CCDC85A: variants seen among roughly 807,000 people sequenced by gnomAD.
CCDC85A encodes the protein coiled-coil domain containing 85A, also known as coiled-coil domain-containing protein 85A.
In CCDC85A, 38 loss-of-function variants were observed where a neutral mutation model predicts 50.2. That is an observed-to-expected ratio of 0.76 (90% CI 0.58 to 0.99). CCDC85A has a LOEUF of 0.99. Ranked by LOEUF, CCDC85A falls within the 50% of genes least tolerant of loss-of-function variation. The probability of loss-of-function intolerance (pLI) is 0.00; values close to 1 mark genes in which losing one functional copy is unlikely to be tolerated. For synonymous variants in CCDC85A, 366 were observed against 301.4 expected, an observed-to-expected ratio of 1.21 and a Z score of -2.22; for missense variants, 820 against 742.0, an observed-to-expected ratio of 1.11 and a Z score of -1.22.
At chr2:56,332,514 G>A (rs546593124) in intron 2 of CCDC85A, among the ~76,000 whole-genome samples, 4 of 152,194 alleles carry the variant, frequency 2.6e-5, no homozygotes, top group East Asian at 1.9e-4. Flanking sequence ...TAAGGGCTCC[G>A]TCTCTTAATA....
intron 2 of CCDC85A, among the ~76,000 whole-genome samples, chr2:56,321,744 T>C (rs374828793): frequency 6.6e-6 from 1 of 152,162 alleles, no homozygotes; most frequent in African/African-American, 2.4e-5. Context: ...TTCAATTCCA[T>C]CCCCATCATG....
chr2:56,361,378 C>G (rs879313910), intron 3 of CCDC85A, among the ~76,000 whole-genome samples: 1 of 152,060 alleles, frequency 6.6e-6, no homozygotes, highest in Admixed American at 6.5e-5. Flanking sequence ...TGTACAGATA[C>G]TGTTTGAGAA....
At chr2:56,323,740 C>G (rs1673331700) in intron 2 of CCDC85A, among the ~76,000 whole-genome samples, 1 of 152,052 alleles carries the variant, frequency 6.6e-6, no homozygotes. Flanking sequence ...TAGCTTCAGA[C>G]TTATTATGTG....
At chr2:56,193,524 A>G in intron 2 of CCDC85A, 84 bp downstream of exon 2, 1 of 1,424,604 alleles carries the variant, frequency 7.0e-7, no homozygotes, top group Non-Finnish European at 9.3e-7. Flanking sequence ...CCAGCCATGT[A>G]AGAAAGTGCA....
At chr2:56,252,310 T>G (rs1046349083) in intron 2 of CCDC85A, among the ~76,000 whole-genome samples, 5 of 152,128 alleles carry the variant, frequency 3.3e-5, no homozygotes, top group African/African-American at 4.8e-5. Context: ...CCTCTCAAAG[T>G]GCTGGGATTA....
intron 2 of CCDC85A, among the ~76,000 whole-genome samples, chr2:56,278,518 C>T (rs185814943): frequency 6.6e-6 from 1 of 152,220 alleles, no homozygotes; most frequent in East Asian, 1.9e-4. Context: ...TTTTGTCCTT[C>T]TCAACTCAGT....
intron 2 of CCDC85A, among the ~76,000 whole-genome samples, chr2:56,265,259 C>T (rs569702845): frequency 6.6e-6 from 1 of 152,264 alleles, no homozygotes; most frequent in Admixed American, 6.5e-5. Flanking sequence ...TCAAAGTTGC[C>T]TATAGTTGAA....
At position 56,261,068 on chromosome 2, in the gene CCDC85A, C is replaced by G. The variant is rs188027636; in HGVS notation, c.1240+67628C>G. Among the ~76,000 whole-genome samples the G allele has an allele frequency of 5.0e-3, 754 of 152,292 alleles. 5 individuals carry two copies. Among genetic ancestry groups the G allele is most frequent in the African/African-American group, 0.012 (519 of 41,556 alleles). ...TAGTACTGAACAGGCATCAGGACCC[C>G]TGGGTTTGCATCCTAGGTCACTTTT... On this transcript the variant is annotated intron_variant, in intron 2 of 5. Transcript: ENST00000407595.
intron 2 of CCDC85A, among the ~76,000 whole-genome samples, chr2:56,308,387 G>A (rs1178188951): frequency 6.6e-6 from 1 of 152,110 alleles, no homozygotes; most frequent in Non-Finnish European, 1.5e-5. Flanking sequence ...TACATTTGAG[G>A]GAGTGGGTTT....
At chr2:56,187,441 G>A (rs978669489) in intron 1 of CCDC85A, among the ~76,000 whole-genome samples, 2 of 152,178 alleles carry the variant, frequency 1.3e-5, no homozygotes, top group African/African-American at 4.8e-5. Flanking sequence ...TGATTGACTT[G>A]TTTGTGTTTA....
Position 56,295,825 on chromosome 2 carries a change from G to T in CCDC85A, c.1241-47054G>T, listed in dbSNP as rs191560379. ...CCCTCCCCTATCATAACAGCTTCTG[G>T]CTTCAGGCAAAGGCCAGGTGAGAAG... On this transcript the variant is annotated intron_variant, in intron 2 of 5. Coordinates refer to ENST00000407595, the MANE Select transcript of CCDC85A (RefSeq NM_001080433.2). Among the ~76,000 whole-genome samples, 424 of 152,292 alleles carry T rather than the reference G, an allele frequency of 2.8e-3. 4 individuals carry two copies. Among genetic ancestry groups the T allele is most frequent in the African/African-American group, 9.9e-3 (411 of 41,558 alleles).
chr2:56,187,939 C>T (rs964841837), intron 1 of CCDC85A, among the ~76,000 whole-genome samples: 2 of 152,188 alleles, frequency 1.3e-5, no homozygotes. Flanking sequence ...TAATTTCCCT[C>T]CTTGGTTCCT....
At chr2:56,365,108 C>G (rs903198668) in intron 3 of CCDC85A, among the ~76,000 whole-genome samples, 1 of 152,302 alleles carries the variant, frequency 6.6e-6, no homozygotes, top group African/African-American at 2.4e-5. Flanking sequence ...TCACATCCTT[C>G]TACTACAGGA....
At chr2:56,317,568 T>A (rs1672977972) in intron 2 of CCDC85A, among the ~76,000 whole-genome samples, 1 of 152,124 alleles carries the variant, frequency 6.6e-6, no homozygotes, top group South Asian at 2.1e-4. Flanking sequence ...AGAGGAAATT[T>A]CACGTGAAAT....
intron 2 of CCDC85A, among the ~76,000 whole-genome samples, chr2:56,326,977 A>G (rs866972818): frequency 6.6e-6 from 1 of 152,116 alleles, no homozygotes; most frequent in Non-Finnish European, 1.5e-5. Context: ...AAGGATATTT[A>G]ACTACCATAA....
intron 2 of CCDC85A, among the ~76,000 whole-genome samples, chr2:56,235,821 A>G (rs1436145864): frequency 2.0e-5 from 3 of 152,238 alleles, no homozygotes; most frequent in South Asian, 2.1e-4. Flanking sequence ...ATAAATTCTC[A>G]TAAAAGATCA....
chr2:56,300,249 A>G (rs541470357), intron 2 of CCDC85A, among the ~76,000 whole-genome samples: 11 of 152,336 alleles, frequency 7.2e-5, no homozygotes, highest in East Asian at 1.9e-4. Flanking sequence ...TATCTAGACC[A>G]TAAGATGATC....
At chr2:56,243,264 C>T (rs1008873807) in intron 2 of CCDC85A, among the ~76,000 whole-genome samples, 2 of 152,144 alleles carry the variant, frequency 1.3e-5, no homozygotes, top group African/African-American at 4.8e-5. Context: ...AAGCCAATAA[C>T]TCTTAGGTTT....
chr2:56,315,293 A>G (rs1459555244), intron 2 of CCDC85A, among the ~76,000 whole-genome samples: 3 of 152,126 alleles, frequency 2.0e-5, no homozygotes, highest in African/African-American at 7.2e-5. Context: ...TGCATTTTGG[A>G]TAAATAACTA....
Sources: gnomAD v4.1 joint callset for allele counts (sites outside exome capture counted in the v4.1 genomes callset) on GRCh38, gnomAD v4.1.1 for gene constraint, MANE v1.5 for transcripts, NCBI Gene and HGNC (gene_info 2026-07-23, HGNC 2026-07-21) for gene names.